ARFGAP2: variants seen among roughly 807,000 people sequenced by gnomAD.
The protein encoded by ARFGAP2 is ADP-ribosylation factor GTPase-activating protein 2.
ARFGAP2 carries 45 observed loss-of-function variants against 71.9 expected under a neutral mutation model. That is an observed-to-expected ratio of 0.63 (90% CI 0.49 to 0.80). The LOEUF is 0.80. Ranked by LOEUF, ARFGAP2 falls within the 30% of genes least tolerant of loss-of-function variation. The pLI is 0.00. For missense variants in ARFGAP2, 633 were observed against 673.9 expected (o/e 0.94, Z 0.67); for synonymous variants, 248 against 249.2 (o/e 1.00, Z 0.05).
At chr11:47,174,902 C>T (rs1952738512) in intron 5 of ARFGAP2, 113 bp downstream of exon 5, 6 of 1,150,602 alleles carry the variant, frequency 5.2e-6, no homozygotes, top group Non-Finnish European at 7.7e-6. Flanking sequence ...ACGTGGTGTC[C>T]AAGACATCAC....
rs1322516975 is a variant in ARFGAP2 at position 47,168,058 on chromosome 11, G to C, written c.1071-15C>G. 6.2e-7 allele frequency: 1 copy of C among 1,614,188 alleles called. No individual in the cohort carries two copies. The highest frequency in any genetic ancestry group is 8.5e-7 in the Non-Finnish European group (1 of 1,180,028). ...TGTCCTTGTACCTAGGGAGACAGTA[G>C]AGTGGCTCAGAGAAGCCTGATGAGG... is the stretch of plus-strand genomic sequence containing the variant. On this transcript the variant is annotated splice_polypyrimidine_tract_variant and intron_variant, in intron 11 of 15. Transcript: ENST00000524782.
At chr11:47,171,939 G>A in intron 8 of ARFGAP2, 139 bp from the exon 9 acceptor site, 1 of 1,272,724 alleles carries the variant, frequency 7.9e-7, no homozygotes, top group South Asian at 1.5e-5. Context: ...CAACCAGCAT[G>A]GCCAAGACAA....
At chr11:47,166,152 A>G in intron 15 of ARFGAP2, 116 bp downstream of exon 15, 1 of 1,056,090 alleles carries the variant, frequency 9.5e-7, no homozygotes, top group South Asian at 1.4e-5. Context: ...GTGAGCCACC[A>G]CACCCGGCCG....
At chr11:47,174,986 T>G (rs1225362005) in intron 5 of ARFGAP2, 29 bp downstream of exon 5, 1 of 1,611,998 alleles carries the variant, frequency 6.2e-7, no homozygotes, top group Admixed American at 1.7e-5. Context: ...CAAGAACAAC[T>G]GGGAAAACGG....
chr11:47,176,275 CAG>C (rs1470559729), intron 2 of ARFGAP2: 4 of 594,080 alleles, frequency 6.7e-6, no homozygotes, highest in South Asian at 2.1e-5. Flanking sequence ...AACTAACGCT[CAG>C]AGTCTCAAGC....
At chr11:47,175,417 T>C (rs763308705) in intron 3 of ARFGAP2, 104 bp from the exon 4 acceptor site, 7 of 1,515,052 alleles carry the variant, frequency 4.6e-6, no homozygotes, top group Middle Eastern at 1.7e-4. Flanking sequence ...TTATTATCTA[T>C]ACAGGATGAT....
At chr11:47,167,865 TAAAA>T in intron 12 of ARFGAP2, 40 bp downstream of exon 12, 1 of 1,335,856 alleles carries the variant, frequency 7.5e-7, no homozygotes, top group South Asian at 1.4e-5. Flanking sequence ...TCAGCTTGTT[TAAAA>T]AAAAAAAAGA....
chr11:47,165,665 C>G (rs899471457), intron 15 of ARFGAP2, among the ~76,000 whole-genome samples, 163 bp from the exon 16 acceptor site: 2 of 152,112 alleles, frequency 1.3e-5, no homozygotes, highest in Non-Finnish European at 2.9e-5. Flanking sequence ...GCTGGGGCAG[C>G]GGCCACTCGG....
chr11:47,175,758 G>C, intron 3 of ARFGAP2, 93 bp downstream of exon 3: 4 of 1,451,642 alleles, frequency 2.8e-6, no homozygotes, highest in Non-Finnish European at 3.9e-6. Flanking sequence ...AGAACCCTCT[G>C]AACAGGGAAA....
chr11:47,164,467 C>A lies in ARFGAP2; in HGVS notation c.*1015G>T, dbSNP rs1440000655. The A allele has an allele frequency of 5.5e-5, 25 of 450,564 alleles. No individual in the cohort carries two copies. The East Asian group carries it at 9.9e-4, about 18-fold the overall frequency. The allele number at this position is 450,564 out of a possible 1,614,324, so 27.9% of individuals were successfully genotyped here. On this transcript the variant is annotated 3_prime_UTR_variant, in exon 16 of 16. Transcript: ENST00000524782. ...CCAACCTACAACCCAAAGGTGGGGG[C>A]TGGGCTGAGACTGCCGGTGCGGCAG...
rs1212368374 is a variant in ARFGAP2, at chr11:47,172,099, A to C, written c.672+182T>G. 4 of 760,586 alleles carry C rather than the reference A, an allele frequency of 5.3e-6. No individual in the cohort carries two copies. In the African/African-American group the frequency reaches 7.0e-5, roughly 13 times the overall value. The allele number at this position is 760,586 out of a possible 1,614,324, so 47.1% of individuals were successfully genotyped here. A position where few individuals can be genotyped will look rare whatever the true frequency, so the allele number is the denominator to read the frequency against. On this transcript the variant is annotated intron_variant, in intron 8 of 15. Transcript: ENST00000524782. ...CTCCATCTCACCGACTCCTCCCAGC[A>C]GCCCTTGAAGACAGGCTTTAAATCC...
In ARFGAP2 at chr11:47,166,299, A is replaced by G. The variant is rs763343180; in HGVS notation, c.1514T>C (p.Val505Ala). 7 of 1,614,222 alleles carry G rather than the reference A, an allele frequency of 4.3e-6. No homozygotes were observed. In the South Asian group the frequency reaches 7.7e-5, roughly 18 times the overall value. The change falls in exon 15 of 16, where the codon GTG becomes GCG. Residue 505 changes from valine to alanine, a missense_variant. Coordinates refer to ENST00000524782, the MANE Select transcript of ARFGAP2 (RefSeq NM_032389.6). ...GGAATTCATCACACCATTGGCCAGC[A>G]CAGCCATTTTCCCAGCCACAGACTT... ...GVKSVAGKMA[V>A]LANGVMNSLQ...
chr11:47,165,306 C>T lies in ARFGAP2; in HGVS notation c.*176G>A. Reference sequence around the variant, plus strand: ...TCAGTCCACAGGCAGAGGACAAGGGCTGGTACTGACCATTCCCCTCACAGG... The same window carrying T: ...TCAGTCCACAGGCAGAGGACAAGGGTTGGTACTGACCATTCCCCTCACAGG... On this transcript the variant is annotated 3_prime_UTR_variant, in exon 16 of 16. Coordinates refer to ENST00000524782, the MANE Select transcript of ARFGAP2 (RefSeq NM_032389.6). The T allele has an allele frequency of 1.5e-6, 1 of 665,350 alleles. No homozygotes were observed. The highest frequency in any genetic ancestry group is 2.4e-6 in the Non-Finnish European group (1 of 411,366). 41.2% of individuals were successfully genotyped at this position (665,350 alleles called of 1,614,324 possible).
Position 47,173,452 on chromosome 11 carries a change from A to G in ARFGAP2, c.593T>C (p.Leu198Pro). ...QPEHGPNTDL[L>P]GTSPKASLEL... is the part of the protein sequence containing the mutation. ...CAGTGAGGCTTTGGGTGAGGTGCCA[A>G]GCAGGTCTGTGTTGGGGCCATGCTC... Residue 198 changes from leucine to proline, a missense_variant, in exon 7 of 16, where the codon CTT becomes CCT. Transcript: ENST00000524782. The G allele has an allele frequency of 6.4e-6, 10 of 1,558,970 alleles. No homozygotes were observed. The highest frequency in any genetic ancestry group is 8.7e-6 in the Non-Finnish European group (10 of 1,151,244).
In ARFGAP2 at chr11:47,166,537, G is replaced by A. The variant is rs1306500326; in HGVS notation, c.1395C>T (p.Leu465=). 6.2e-7 allele frequency: 1 copy of A among 1,612,446 alleles called. No homozygotes were observed. ...CGTGAGCTCCATCCATGTCCCCAAA[G>A]AGGTCTGAAGAGCTGATGGCACTGC... ...SGSSAISSSD[L]FGDMDGAHGA... is the part of the protein sequence containing the mutation. The change falls in exon 14 of 16, where the codon CTC becomes CTT. Residue 465 remains leucine, a synonymous_variant. Transcript: ENST00000524782.
intron 10 of ARFGAP2, among the ~76,000 whole-genome samples, chr11:47,170,323 C>CAAAAAAAAA (rs34843394): frequency 1.5e-4 from 11 of 73,910 alleles, no homozygotes; most frequent in Non-Finnish European, 2.1e-4. Flanking sequence ...GACTCCATCT[C>CAAAAAAAAA]AAAAAAAAAA....
Position 47,168,147 on chromosome 11 carries a change from C to T in ARFGAP2, c.1046G>A (p.Gly349Asp), listed in dbSNP as rs373373969. The change falls in exon 11 of 16, where the codon GGT (glycine) becomes GAT (aspartate). Residue 349 changes from glycine (G) to aspartate (D), a missense_variant. By Grantham distance (94) the Gly-to-Asp change is moderately conservative. Coordinates refer to ENST00000524782, the MANE Select transcript of ARFGAP2 (RefSeq NM_032389.6). ...RSQLDLFDDV[G>D]TFASGPPKYK... ...CTTTGGGGGTCCAGAGGCGAAAGTA[C>T]CAACATCGTCAAACAAGTCCAGCTG... 4.0e-5 allele frequency: 65 copies of T among 1,614,076 alleles called. No homozygotes were observed. The highest frequency in any genetic ancestry group is 5.1e-5 in the Non-Finnish European group (60 of 1,180,048).
chr11:47,167,023 T>C, intron 12 of ARFGAP2, 137 bp from the exon 13 acceptor site: 12 of 1,170,962 alleles, frequency 1.0e-5, no homozygotes, highest in Middle Eastern at 4.2e-4. Flanking sequence ...TCTGTGGCTC[T>C]GGGCCCCTCT....
At position 47,174,917 on chromosome 11, in the gene ARFGAP2, A is replaced by T. The variant is rs1952738855; in HGVS notation, c.480+98T>A. ...ACGTGGTGTCCAAGACATCACATCA[A>T]AGCAAATGGAATCTACAACCATGAT... On this transcript the variant is annotated intron_variant, in intron 5 of 15. Transcript: ENST00000524782. 3.0e-6 allele frequency: 4 copies of T among 1,331,054 alleles called. No homozygotes were observed. In the Admixed American group the frequency reaches 5.3e-5, roughly 18 times the overall value. The allele number at this position is 1,331,054 out of a possible 1,614,324, so 82.5% of individuals were successfully genotyped here.
Sources: allele counts gnomAD v4.1 joint callset (sites outside exome capture counted in the v4.1 genomes callset), GRCh38; gene constraint gnomAD v4.1.1; transcripts MANE v1.5; gene names NCBI Gene and HGNC (gene_info 2026-07-23, HGNC 2026-07-21).